The following UNC13C variants were observed in gnomAD, a reference collection of about 807,000 sequenced individuals.
The protein encoded by UNC13C is unc-13 homolog C, also known as protein unc-13 homolog C.
UNC13C carries 174 observed loss-of-function variants against 245.4 expected under a neutral mutation model. The ratio of observed to expected loss-of-function variants is 0.71; its 90% CI spans 0.63 to 0.80. The LOEUF (loss-of-function observed/expected upper bound fraction) is 0.80. Among genes scored for constraint, UNC13C ranks in the 30% least tolerant of loss-of-function variants. The pLI is 0.00. For missense variants in UNC13C, 2,829 were observed against 2,602.9 expected, an observed-to-expected ratio of 1.09 and a Z score of -1.89; for synonymous variants, 992 against 895.1, an observed-to-expected ratio of 1.11 and a Z score of -1.93.
intron 16 of UNC13C, 119 bp downstream of exon 16, chr15:54,333,975 G>A: frequency 1.5e-6 from 1 of 673,054 alleles, no homozygotes; most frequent in Non-Finnish European, 2.6e-6. Context: ...CGATTAAGCT[G>A]TACTATCTTT....
upstream of UNC13C, among the ~76,000 whole-genome samples, chr15:53,976,495 T>TTTTTTTTTTTC (rs397937135): frequency 7.4e-6 from 1 of 134,376 alleles, no homozygotes; most frequent in African/African-American, 2.9e-5. Context: ...TTTTTTTTTT[T>TTTTTTTTTTTC]CAGTCTTGCT....
chr15:54,506,230 A>G (rs1334992132), intron 22 of UNC13C, among the ~76,000 whole-genome samples: 3 of 152,164 alleles, frequency 2.0e-5, no homozygotes, highest in Non-Finnish European at 4.4e-5. Flanking sequence ...TTGTGTTTAT[A>G]TGTTGTTGTG....
At chr15:54,141,116 G>C (rs906182243) in intron 2 of UNC13C, among the ~76,000 whole-genome samples, 1 of 152,100 alleles carries the variant, frequency 6.6e-6, no homozygotes, top group Admixed American at 6.6e-5. Context: ...TTGCAGATTT[G>C]AAATCAGATC....
At chr15:54,559,929 TC>T (rs1897235205) in intron 29 of UNC13C, among the ~76,000 whole-genome samples, 1 of 151,934 alleles carries the variant, frequency 6.6e-6, no homozygotes, top group Non-Finnish European at 1.5e-5. Context: ...GTAAAGAATC[TC>T]AACTTTAGTT....
At chr15:54,488,901 G>A (rs997625363) in intron 19 of UNC13C, among the ~76,000 whole-genome samples, 8 of 152,154 alleles carry the variant, frequency 5.3e-5, no homozygotes, top group African/African-American at 1.7e-4. Context: ...TAGGAGGATT[G>A]ATGGCTAAAT....
chr15:54,619,370 A>G lies in UNC13C; in HGVS notation c.6107-2957A>G, dbSNP rs530533614. ...TTGCACTCTACGCATGTTTCACTCT[A>G]GCATTATCCCTTATCCTTTCTTTGC... On this transcript the variant is annotated intron_variant, in intron 30 of 32. Transcript: ENST00000260323. Among the ~76,000 whole-genome samples, 105 of 152,288 alleles carry G rather than the reference A, an allele frequency of 6.9e-4. 1 individual carries two copies. In the South Asian group the frequency reaches 0.019, roughly 28 times the overall value.
chr15:54,142,963 T>C, intron 2 of UNC13C, 55 bp from the exon 3 acceptor site: 1 of 1,496,822 alleles, frequency 6.7e-7, no homozygotes, highest in South Asian at 1.1e-5. Flanking sequence ...TTAAACAATT[T>C]CTTGAAAAGT....
intron 19 of UNC13C, among the ~76,000 whole-genome samples, chr15:54,483,511 T>TTTTC (rs1567316436): frequency 7.9e-5 from 12 of 152,176 alleles, no homozygotes; most frequent in African/African-American, 2.9e-4. Flanking sequence ...CTTTTCTTTT[T>TTTTC]TTTGAGATGG....
chr15:53,973,551 A>G (rs1893603853), upstream of UNC13C, among the ~76,000 whole-genome samples: 3 of 151,860 alleles, frequency 2.0e-5, no homozygotes, highest in South Asian at 2.1e-4. Context: ...ATGCTGTGCC[A>G]TATCACTAAA....
At chr15:54,435,954 A>G (rs1018031688) in intron 19 of UNC13C, among the ~76,000 whole-genome samples, 4 of 152,136 alleles carry the variant, frequency 2.6e-5, no homozygotes, top group African/African-American at 7.2e-5. Context: ...AAAAAAAGAC[A>G]GTTATGTGGC....
chr15:53,943,717 G>A, the UNC13C span, among the ~76,000 whole-genome samples: 1 of 151,872 alleles, frequency 6.6e-6, no homozygotes, highest in African/African-American at 2.4e-5. Flanking sequence ...GTAAATTTTT[G>A]TATAAAGCAT....
chr15:53,863,795 G>C, the UNC13C span, among the ~76,000 whole-genome samples: 1 of 152,172 alleles, frequency 6.6e-6, no homozygotes, highest in African/African-American at 2.4e-5. Flanking sequence ...TCCAGCATGT[G>C]CTTACTGTGC....
intron 30 of UNC13C, among the ~76,000 whole-genome samples, chr15:54,588,906 C>T (rs1898625432): frequency 6.6e-6 from 1 of 152,134 alleles, no homozygotes; most frequent in Non-Finnish European, 1.5e-5. Flanking sequence ...TGGGTTGGTT[C>T]CACAGTTTTG....
chr15:54,256,288 A>G (rs74013562), intron 8 of UNC13C, among the ~76,000 whole-genome samples: 2,264 of 152,278 alleles, frequency 0.015, 61 homozygotes, highest in African/African-American at 0.052. Context: ...AGATCGTGCT[A>G]GAAAACAGAG....
chr15:53,919,552 A>C, the UNC13C span, among the ~76,000 whole-genome samples: 5 of 152,232 alleles, frequency 3.3e-5, no homozygotes, highest in Admixed American at 6.5e-5. Flanking sequence ...CCACACCAGC[A>C]CGTGTCCATC....
the UNC13C span, among the ~76,000 whole-genome samples, chr15:53,893,037 A>G: frequency 6.6e-6 from 1 of 152,022 alleles, no homozygotes; most frequent in African/African-American, 2.4e-5. Flanking sequence ...GATGTTGGTG[A>G]CCTTCAGATG....
Position 54,479,641 on chromosome 15 carries a change from G to A in UNC13C, c.4934-14967G>A, listed in dbSNP as rs190198056. On this transcript the variant is annotated intron_variant, in intron 19 of 32. Coordinates refer to ENST00000260323, the MANE Select transcript of UNC13C (RefSeq NM_001080534.3). ...TGTTTTCTGATTGTTTCATATATCC[G>A]TTTTTCTTTATTCATCTTTTATTGT... Among the ~76,000 whole-genome samples, 38 of 151,086 alleles carry A rather than the reference G, an allele frequency of 2.5e-4. No homozygotes were observed. In the East Asian group the frequency reaches 6.6e-3, roughly 26 times the overall value.
the UNC13C span, among the ~76,000 whole-genome samples, chr15:53,952,651 A>G: frequency 6.6e-6 from 1 of 152,212 alleles, no homozygotes; most frequent in Non-Finnish European, 1.5e-5. Context: ...AATTGTTTTA[A>G]TAAAAACTCG....
chr15:54,486,250 A>ACACAC (rs1893399145), intron 19 of UNC13C, among the ~76,000 whole-genome samples: 2 of 131,996 alleles, frequency 1.5e-5, no homozygotes, highest in Non-Finnish European at 1.6e-5. Context: ...GATCTATTAA[A>ACACAC]ACACACACAC....
Sources: gnomAD v4.1 joint callset for allele counts (sites outside exome capture counted in the v4.1 genomes callset) on GRCh38, gnomAD v4.1.1 for gene constraint, MANE v1.5 for transcripts, NCBI Gene and HGNC (gene_info 2026-07-23, HGNC 2026-07-21) for gene names.